Variants in EPB41L2 observed in about 807,000 individuals in gnomAD.
The protein encoded by EPB41L2 is erythrocyte membrane protein band 4.1 like 2.
EPB41L2 carries 43 observed loss-of-function variants against 113.0 expected under a neutral mutation model. The ratio of observed to expected loss-of-function variants is 0.38; its 90% CI spans 0.30 to 0.49. The LOEUF is 0.49. Among genes scored for constraint, EPB41L2 ranks in the 20% least tolerant of loss-of-function variants. The pLI, the probability that EPB41L2 is intolerant of heterozygous loss-of-function variation, is 0.95. For synonymous variants in EPB41L2, 442 were observed against 436.7 expected, an observed-to-expected ratio of 1.01 and a Z score of -0.15; for missense variants, 1,147 against 1,223.4, an observed-to-expected ratio of 0.94 and a Z score of 0.93.
intron 7 of EPB41L2, among the ~76,000 whole-genome samples, chr6:130,900,585 T>C (rs541388050): frequency 6.6e-6 from 1 of 152,188 alleles, no homozygotes; most frequent in Non-Finnish European, 1.5e-5. Flanking sequence ...CTCCCTAGCT[T>C]TCTTACCACA....
intron 14 of EPB41L2, among the ~76,000 whole-genome samples, chr6:130,873,133 A>G (rs1786294321): frequency 1.3e-5 from 2 of 152,148 alleles, no homozygotes; most frequent in African/African-American, 4.8e-5. Flanking sequence ...GCCCACATTC[A>G]TTCCCTCAGG....
intron 1 of EPB41L2, among the ~76,000 whole-genome samples, chr6:131,028,424 T>C (rs1014703960): frequency 3.9e-5 from 6 of 152,226 alleles, no homozygotes; most frequent in African/African-American, 1.2e-4. Flanking sequence ...TATCCCAATG[T>C]CTGGTGCTCG....
intron 1 of EPB41L2, among the ~76,000 whole-genome samples, chr6:131,017,054 T>C (rs1315030608): frequency 1.3e-5 from 2 of 152,158 alleles, no homozygotes; most frequent in African/African-American, 4.8e-5. Context: ...AAAAACACTA[T>C]GAAACTATTA....
Position 130,961,321 on chromosome 6 carries a change from G to A in EPB41L2, c.-14-4822C>T, listed in dbSNP as rs192186470. Among the ~76,000 whole-genome samples the A allele has an allele frequency of 1.9e-4, 29 of 152,266 alleles. 1 individual carries two copies. The highest frequency in any genetic ancestry group is 1.4e-3 in the Admixed American group (21 of 15,294). ...TCCATCTGGGTTGATAAAAGTGTTC[G>A]TCATTGTGACAGCTTCATGAGAAAA... On this transcript the variant is annotated intron_variant, in intron 1 of 19. Transcript: ENST00000337057.
chr6:131,034,207 G>T (rs1057065155), intron 1 of EPB41L2, among the ~76,000 whole-genome samples: 18 of 152,110 alleles, frequency 1.2e-4, no homozygotes, highest in African/African-American at 4.8e-5. Flanking sequence ...GTTAACTATG[G>T]TTTCCTATCT....
At chr6:130,956,791 T>C (rs1304070109) in intron 1 of EPB41L2, among the ~76,000 whole-genome samples, 2 of 152,208 alleles carry the variant, frequency 1.3e-5, no homozygotes, top group Non-Finnish European at 2.9e-5. Flanking sequence ...AAACAGGGAT[T>C]ACTTTTATTT....
At chr6:131,029,387 T>C (rs201188629) in intron 1 of EPB41L2, among the ~76,000 whole-genome samples, 6,940 of 140,072 alleles carry the variant, frequency 0.05, 234 homozygotes, top group East Asian at 0.13. Flanking sequence ...CTTCAGCATT[T>C]GTTTAAAAAA....
chr6:130,914,049 T>C (rs150612976), intron 4 of EPB41L2, among the ~76,000 whole-genome samples: 2 of 152,332 alleles, frequency 1.3e-5, no homozygotes, highest in African/African-American at 4.8e-5. Flanking sequence ...GAATCAGAAA[T>C]ACACGCAGTA....
rs140350248 is a variant in EPB41L2 at position 130,929,857 on chromosome 6, TCACACACACACACA to T, written c.706-3162_706-3149del. On this transcript the variant is annotated intron_variant, in intron 3 of 19. Transcript: ENST00000337057. ...GGGAGATTAAATACAAGACAGACAG[TCACACACACACACA>T]CACACACACACACACACACACACAC... is the stretch of plus-strand genomic sequence containing the variant. 0.023 allele frequency among the ~76,000 whole-genome samples: 2,886 copies of T among 123,444 alleles called. 183 individuals carry two copies. In the East Asian group the frequency reaches 0.32, roughly 14 times the overall value. The allele number at this position is 123,444 out of a possible 152,430, so 81.0% of individuals were successfully genotyped here.
Position 130,902,241 on chromosome 6 carries a change from C to T in EPB41L2, c.930-1061G>A, listed in dbSNP as rs115816810. ...ACTTGCCTGGCCTGGGTTTTAGGGC[C>T]CAATCCTCTTCCTGCTCTCTACCCT... On this transcript the variant is annotated intron_variant, in intron 6 of 19. Coordinates refer to ENST00000337057, the MANE Select transcript of EPB41L2 (RefSeq NM_001431.4). Among the ~76,000 whole-genome samples, 147 of 152,262 alleles carry T rather than the reference C, an allele frequency of 9.7e-4. 1 individual carries two copies. Among genetic ancestry groups the T allele is most frequent in the African/African-American group, 3.5e-3 (146 of 41,546 alleles).
intron 1 of EPB41L2, among the ~76,000 whole-genome samples, chr6:131,010,155 A>T (rs1169277135): frequency 6.6e-6 from 1 of 152,220 alleles, no homozygotes; most frequent in Non-Finnish European, 1.5e-5. Context: ...ATTTATTCTA[A>T]CCCAAGTCAC....
intron 19 of EPB41L2, among the ~76,000 whole-genome samples, chr6:130,847,503 G>A (rs989812952): frequency 1.3e-5 from 2 of 151,978 alleles, no homozygotes; most frequent in African/African-American, 2.4e-5. Flanking sequence ...TAAGACTGAA[G>A]AATAAGAGCT....
chr6:130,989,394 C>A (rs1175045293), intron 1 of EPB41L2, among the ~76,000 whole-genome samples: 1 of 152,098 alleles, frequency 6.6e-6, no homozygotes, highest in Non-Finnish European at 1.5e-5. Flanking sequence ...GCTCTCTCTC[C>A]CTCAAAGAGA....
rs765799858 is a variant in EPB41L2, at chr6:130,867,523, A to C, written c.2666T>G (p.Ile889Ser). The change falls in exon 16 of 20, where the codon ATC (isoleucine) becomes AGC (serine). Residue 889 changes from isoleucine (I) to serine (S), a missense_variant. Physicochemically the swap from Ile to Ser is moderately radical, Grantham distance 142. Coordinates refer to ENST00000337057, the MANE Select transcript of EPB41L2 (RefSeq NM_001431.4). ...TISDASQRTE[I>S]STKEVPIVQT... ...GACAATGGGGACTTCCTTGGTGGAG[A>C]TTTCTGTCCTTTGTGAGGCATCAGA... is the stretch of plus-strand genomic sequence containing the variant. The C allele has an allele frequency of 6.2e-7, 1 of 1,613,898 alleles. No homozygotes were observed. Among genetic ancestry groups the C allele is most frequent in the South Asian group, 1.1e-5 (1 of 91,070 alleles).
chr6:130,921,051 A>G (rs1252069328), intron 4 of EPB41L2, among the ~76,000 whole-genome samples: 1 of 152,084 alleles, frequency 6.6e-6, no homozygotes, highest in Admixed American at 6.6e-5. Flanking sequence ...TCGCTGTCAT[A>G]GCTAACAGGT....
At chr6:130,874,358 T>C (rs1314024262) in intron 14 of EPB41L2, among the ~76,000 whole-genome samples, 2 of 133,106 alleles carry the variant, frequency 1.5e-5, no homozygotes, top group Admixed American at 7.5e-5. Context: ...TATATACTTA[T>C]GCATAATTTT....
Position 130,904,523 on chromosome 6 carries a change from T to C in EPB41L2, c.871A>G (p.Thr291Ala), listed in dbSNP as rs1797171198. Residue 291 changes from threonine (T) to alanine (A), a missense_variant, in exon 6 of 20, where the codon ACT (threonine) becomes GCT (alanine). Transcript: ENST00000337057. The part of the protein sequence containing the change: ...RQLRNLPWLF[T>A]FNVKFYPPDP... ...GGAGGATAAAACTTCACATTAAAAG[T>C]GAATAGCCATGGAAGGTCTGTAATT... The C allele has an allele frequency of 6.2e-7, 1 of 1,603,800 alleles. No individual in the cohort carries two copies.
chr6:130,895,291 G>A (rs955006582), intron 8 of EPB41L2, among the ~76,000 whole-genome samples, 172 bp from the exon 9 acceptor site: 1 of 152,160 alleles, frequency 6.6e-6, no homozygotes, highest in African/African-American at 2.4e-5. Context: ...ACACATACAT[G>A]TTAAATTTAT....
At chr6:131,055,386 T>C (rs1797399362) in intron 1 of EPB41L2, among the ~76,000 whole-genome samples, 1 of 152,194 alleles carries the variant, frequency 6.6e-6, no homozygotes, top group Non-Finnish European at 1.5e-5. Flanking sequence ...AACATTACTT[T>C]AAATGTCTCT....
Sources: gnomAD v4.1 joint callset for allele counts (sites outside exome capture counted in the v4.1 genomes callset) on GRCh38, gnomAD v4.1.1 for gene constraint, MANE v1.5 for transcripts, NCBI Gene and HGNC (gene_info 2026-07-23, HGNC 2026-07-21) for gene names.